Variants in SPICE1 observed in about 807,000 individuals in gnomAD.
SPICE1 encodes spindle and centriole associated protein 1, also known as spindle and centriole-associated protein 1.
A neutral mutation model predicts 102.7 loss-of-function variants in SPICE1; 75 were observed. The observed-to-expected ratio is 0.73, with a 90% CI of 0.61 to 0.88. The LOEUF is 0.88. Ranked by LOEUF, SPICE1 falls within the 40% of genes least tolerant of loss-of-function variation. The pLI is 0.00. For missense variants in SPICE1, 979 were observed against 1,020.1 expected (o/e 0.96, Z 0.55); for synonymous variants, 308 against 350.3 (o/e 0.88, Z 1.35).
At chr3:113,473,677 A>G (rs1936263712) in intron 7 of SPICE1, among the ~76,000 whole-genome samples, 1 of 151,946 alleles carries the variant, frequency 6.6e-6, no homozygotes, top group South Asian at 2.1e-4. Flanking sequence ...TTTCATATCC[A>G]GCCAAACTAA....
chr3:113,508,217 A>G (rs780975534), intron 1 of SPICE1, among the ~76,000 whole-genome samples: 10 of 152,174 alleles, frequency 6.6e-5, no homozygotes, highest in Non-Finnish European at 1.0e-4. Flanking sequence ...GCCGTGGGTT[A>G]AGCAATGGTT....
chr3:113,454,520 C>A (rs1935736369), intron 13 of SPICE1, among the ~76,000 whole-genome samples: 1 of 152,106 alleles, frequency 6.6e-6, no homozygotes, highest in South Asian at 2.1e-4. Flanking sequence ...ATCAGCCTGG[C>A]CAACATAGTG....
intron 8 of SPICE1, 55 bp downstream of exon 8, chr3:113,469,044 C>G: frequency 1.9e-6 from 3 of 1,583,692 alleles, no homozygotes; most frequent in Non-Finnish European, 2.6e-6. Flanking sequence ...TTACTGCATT[C>G]AAGAATGAAC....
chr3:113,498,951 CA>C (rs1936954082), intron 4 of SPICE1: 1 of 152,622 alleles, frequency 6.6e-6, no homozygotes, highest in African/African-American at 2.4e-5. Context: ...CATACAACAT[CA>C]TTTTTTTTTC....
intron 14 of SPICE1, 79 bp from the exon 15 acceptor site, chr3:113,450,595 T>A: frequency 4.2e-6 from 5 of 1,183,288 alleles, no homozygotes; most frequent in South Asian, 3.2e-5. Context: ...TTTTTTTTTT[T>A]AGGCAGAGTC....
chr3:113,512,872 C>T (rs1937247925), intron 1 of SPICE1, among the ~76,000 whole-genome samples: 1 of 152,154 alleles, frequency 6.6e-6, no homozygotes, highest in African/African-American at 2.4e-5. Flanking sequence ...GTGCAGCACA[C>T]ACCAGGCACT....
intron 2 of SPICE1, 34 bp from the exon 3 acceptor site, chr3:113,503,261 A>T: frequency 6.5e-7 from 1 of 1,541,662 alleles, no homozygotes; most frequent in Non-Finnish European, 8.7e-7. Flanking sequence ...TTAAAAAAAA[A>T]AAAAAGTTTT....
intron 7 of SPICE1, among the ~76,000 whole-genome samples, chr3:113,472,450 G>C (rs921695355): frequency 1.3e-5 from 2 of 152,244 alleles, no homozygotes; most frequent in African/African-American, 4.8e-5. Context: ...CCAGCACGCA[G>C]CTGGAGATCT....
At chr3:113,466,051 T>C (rs554392099) in intron 10 of SPICE1, among the ~76,000 whole-genome samples, 2 of 152,216 alleles carry the variant, frequency 1.3e-5, no homozygotes, top group South Asian at 4.1e-4. Flanking sequence ...AGTAGAGGGA[T>C]ATACATATAC....
rs567084488 is a variant in SPICE1 at position 113,468,095 on chromosome 3, C to G, written c.1155+44G>C. 6 of 1,563,724 alleles carry G rather than the reference C, an allele frequency of 3.8e-6. No individual in the cohort carries two copies. The African/African-American group carries it at 8.2e-5, about 21-fold the overall frequency. ...AAATGGAAAGGAAAAAAAACTCATGCATTTCTGCCTGAAAAGAAGACTCTA... is the reference window on the plus strand; with the variant it reads ...AAATGGAAAGGAAAAAAAACTCATGGATTTCTGCCTGAAAAGAAGACTCTA... On this transcript the variant is annotated intron_variant, in intron 10 of 17. Transcript: ENST00000295872.
intron 7 of SPICE1, among the ~76,000 whole-genome samples, chr3:113,473,188 G>A (rs182871296): frequency 1.1e-4 from 17 of 152,152 alleles, no homozygotes; most frequent in Admixed American, 2.6e-4. Context: ...GGGTATCAGC[G>A]ATGGAAGATG....
intron 7 of SPICE1, among the ~76,000 whole-genome samples, chr3:113,472,688 A>G (rs1284553892): frequency 6.6e-6 from 1 of 152,162 alleles, no homozygotes; most frequent in East Asian, 1.9e-4. Context: ...TCTGGAGTGG[A>G]CCTCTAGCAA....
intron 6 of SPICE1, among the ~76,000 whole-genome samples, chr3:113,491,960 C>T (rs763560854): frequency 1.3e-5 from 2 of 152,166 alleles, no homozygotes; most frequent in Non-Finnish European, 2.9e-5. Context: ...TGCTGGGATA[C>T]ATCGTGTACT....
intron 2 of SPICE1, 100 bp downstream of exon 2, chr3:113,506,407 G>T: frequency 2.2e-6 from 2 of 910,256 alleles, no homozygotes; most frequent in South Asian, 3.0e-5. Context: ...ATTACGTGAT[G>T]AGCCCCATTC....
Position 113,468,830 on chromosome 3 carries a change from G to A in SPICE1, c.821C>T (p.Thr274Ile). The stretch of plus-strand genomic sequence containing the variant: ...TCCCACAACGTAGCTTGAGTCTAGA[G>A]TCTCAGTAGATTCTTCAGGCTGAAG... ...TRLQPEESTE[T>I]LDSSYVVGHV... is the part of the protein sequence containing the mutation. The change falls in exon 9 of 18, where the codon ACT becomes ATT. Residue 274 changes from threonine (T) to isoleucine (I), a missense_variant. Physicochemically the swap from Thr to Ile is moderately conservative, Grantham distance 89 (BLOSUM62 -1). Transcript: ENST00000295872. 1 of 1,614,160 alleles carries A rather than the reference G, an allele frequency of 6.2e-7. No homozygotes were observed. Among genetic ancestry groups the A allele is most frequent in the African/African-American group, 1.3e-5 (1 of 75,036 alleles).
chr3:113,513,280 G>A (rs1937255114), intron 1 of SPICE1, among the ~76,000 whole-genome samples: 1 of 152,008 alleles, frequency 6.6e-6, no homozygotes, highest in South Asian at 2.1e-4. Flanking sequence ...GAGTGGCAGT[G>A]AGTGCCTATA....
At chr3:113,489,914 C>A (rs1936730788) in intron 6 of SPICE1, among the ~76,000 whole-genome samples, 1 of 146,786 alleles carries the variant, frequency 6.8e-6, no homozygotes, top group Admixed American at 6.9e-5. Flanking sequence ...ACTGTATTTT[C>A]TTAGATTTTC....
intron 11 of SPICE1, 59 bp from the exon 12 acceptor site, chr3:113,460,823 T>G: frequency 2.0e-6 from 3 of 1,490,994 alleles, no homozygotes; most frequent in Admixed American, 2.3e-5. Context: ...AACCACCACC[T>G]AGAAAGCAAA....
rs1374995255 is a variant in SPICE1 at position 113,443,959 on chromosome 3, C to T, written c.*1348G>A. 1.3e-5 allele frequency: 2 copies of T among 152,140 alleles called. No homozygotes were observed. Among genetic ancestry groups the T allele is most frequent in the Non-Finnish European group, 2.9e-5 (2 of 68,034 alleles). 9.4% of individuals were successfully genotyped at this position (152,140 alleles called of 1,614,324 possible). ...ATAACTGTGGATGTTGTTATCAATC[C>T]AGTATCTCTGCCAACCTGTAATTTG... On this transcript the variant is annotated 3_prime_UTR_variant, in exon 18 of 18. Transcript: ENST00000295872.
Sources: gnomAD v4.1 joint callset for allele counts (sites outside exome capture counted in the v4.1 genomes callset) on GRCh38, gnomAD v4.1.1 for gene constraint, MANE v1.5 for transcripts, NCBI Gene and HGNC (gene_info 2026-07-23, HGNC 2026-07-21) for gene names.